CCDC85A: variants seen among roughly 807,000 people sequenced by gnomAD.
CCDC85A encodes the protein coiled-coil domain containing 85A.
CCDC85A carries 38 observed loss-of-function variants against 50.2 expected under a neutral mutation model. The ratio of observed to expected loss-of-function variants is 0.76; its 90% CI spans 0.58 to 0.99. CCDC85A has a LOEUF of 0.99. Among genes scored for constraint, CCDC85A ranks in the 50% least tolerant of loss-of-function variants. The probability of loss-of-function intolerance (pLI) is 0.00; values close to 1 mark genes in which losing one functional copy is unlikely to be tolerated. For missense variants in CCDC85A, 820 were observed against 742.0 expected (o/e 1.11, Z -1.22); for synonymous variants, 366 against 301.4 (o/e 1.21, Z -2.22).
chr2:56,224,568 C>T (rs1216653197), intron 2 of CCDC85A, among the ~76,000 whole-genome samples: 1 of 152,170 alleles, frequency 6.6e-6, no homozygotes, highest in Non-Finnish European at 1.5e-5. Flanking sequence ...TTTACATTCC[C>T]ATCAGCAGTG....
intron 3 of CCDC85A, among the ~76,000 whole-genome samples, chr2:56,360,342 G>A (rs548273387): frequency 6.6e-6 from 1 of 152,118 alleles, no homozygotes; most frequent in Non-Finnish European, 1.5e-5. Context: ...TAGCGTTGAG[G>A]ACAAGTGACT....
chr2:56,248,997 G>A lies in CCDC85A; in HGVS notation c.1240+55557G>A, dbSNP rs561688908. 5.3e-5 allele frequency among the ~76,000 whole-genome samples: 8 copies of A among 152,352 alleles called. 1 individual carries two copies. The East Asian group carries it at 7.7e-4, about 15-fold the overall frequency. On this transcript the variant is annotated intron_variant, in intron 2 of 5. Coordinates refer to ENST00000407595, the MANE Select transcript of CCDC85A (RefSeq NM_001080433.2). ...ATGGGGTTCTAGAAAAGGTTAGGGC[G>A]GGACTGTGACCTTCAGTCAAGGAAT...
At chr2:56,315,275 T>G in intron 2 of CCDC85A, among the ~76,000 whole-genome samples, 1 of 152,178 alleles carries the variant, frequency 6.6e-6, no homozygotes, top group East Asian at 1.9e-4. Context: ...CTAATTGTTT[T>G]GCCAGCCTGC....
At chr2:56,272,813 C>G (rs1028036775) in intron 2 of CCDC85A, among the ~76,000 whole-genome samples, 1 of 152,320 alleles carries the variant, frequency 6.6e-6, no homozygotes, top group Admixed American at 6.5e-5. Context: ...GCAACTTGCT[C>G]AGCCTATTCC....
chr2:56,199,607 C>G (rs1301951960), intron 2 of CCDC85A, among the ~76,000 whole-genome samples: 1 of 151,970 alleles, frequency 6.6e-6, no homozygotes, highest in African/African-American at 2.4e-5. Context: ...TTTCCAATCA[C>G]TTCTAGTACT....
chr2:56,266,115 G>A (rs1407790360), intron 2 of CCDC85A, among the ~76,000 whole-genome samples: 2 of 152,174 alleles, frequency 1.3e-5, no homozygotes. Context: ...GAGTAGAATG[G>A]TGGTTACCAA....
intron 2 of CCDC85A, among the ~76,000 whole-genome samples, chr2:56,318,774 G>T (rs1673030476): frequency 6.6e-6 from 1 of 152,054 alleles, no homozygotes; most frequent in Non-Finnish European, 1.5e-5. Flanking sequence ...GTATTCATTT[G>T]TATTTATCTG....
At chr2:56,279,303 A>G (rs1000729143) in intron 2 of CCDC85A, among the ~76,000 whole-genome samples, 3 of 152,234 alleles carry the variant, frequency 2.0e-5, no homozygotes, top group Admixed American at 1.3e-4. Flanking sequence ...ACTTAAAAAT[A>G]TATAATCCAA....
At chr2:56,185,128 C>CG (rs11437651) in intron 1 of CCDC85A, among the ~76,000 whole-genome samples, 59,140 of 151,072 alleles carry the variant, frequency 0.39, 11,817 homozygotes, top group Middle Eastern at 0.47. Context: ...TCTGGCTGTT[C>CG]GGGGAGGCGC....
chr2:56,247,437 C>G (rs1487307379), intron 2 of CCDC85A, among the ~76,000 whole-genome samples: 1 of 152,140 alleles, frequency 6.6e-6, no homozygotes, highest in African/African-American at 2.4e-5. Flanking sequence ...CATCATGCAA[C>G]TGGCACTTTT....
chr2:56,205,196 T>G (rs1676910889), intron 2 of CCDC85A, among the ~76,000 whole-genome samples: 1 of 151,866 alleles, frequency 6.6e-6, no homozygotes, highest in Admixed American at 6.6e-5. Context: ...GATGGGAGAG[T>G]GTGGCTTATC....
At chr2:56,309,118 G>A (rs1450652943) in intron 2 of CCDC85A, among the ~76,000 whole-genome samples, 1 of 152,158 alleles carries the variant, frequency 6.6e-6, no homozygotes, top group Non-Finnish European at 1.5e-5. Flanking sequence ...ATGGGAACAT[G>A]GGCATTATTT....
At chr2:56,279,635 A>T (rs1294492465) in intron 2 of CCDC85A, among the ~76,000 whole-genome samples, 13 of 152,150 alleles carry the variant, frequency 8.5e-5, no homozygotes, top group Non-Finnish European at 1.6e-4. Context: ...CTATGAGATC[A>T]ACTTTTTTAG....
intron 2 of CCDC85A, among the ~76,000 whole-genome samples, chr2:56,289,596 G>A (rs190827369): frequency 3.1e-4 from 47 of 152,214 alleles, no homozygotes; most frequent in Non-Finnish European, 5.7e-4. Flanking sequence ...TGGTAGAGGT[G>A]GCATGGGAGA....
intron 3 of CCDC85A, among the ~76,000 whole-genome samples, chr2:56,351,122 G>T (rs1232525991): frequency 6.9e-6 from 1 of 145,232 alleles, no homozygotes; most frequent in Non-Finnish European, 1.5e-5. Flanking sequence ...TTGTTCTTGC[G>T]ATAGTTTACT....
chr2:56,250,356 C>G (rs528455074), intron 2 of CCDC85A, among the ~76,000 whole-genome samples: 1 of 152,160 alleles, frequency 6.6e-6, no homozygotes, highest in Non-Finnish European at 1.5e-5. Flanking sequence ...GCCTGTGTCT[C>G]TGCAACCTTT....
At chr2:56,228,960 A>G (rs988989952) in intron 2 of CCDC85A, among the ~76,000 whole-genome samples, 1 of 152,204 alleles carries the variant, frequency 6.6e-6, no homozygotes, top group African/African-American at 2.4e-5. Flanking sequence ...AAGCCTTCTC[A>G]TTAAGGTTTT....
chr2:56,275,264 A>G (rs1278750663), intron 2 of CCDC85A, among the ~76,000 whole-genome samples: 1 of 152,180 alleles, frequency 6.6e-6, no homozygotes, highest in Non-Finnish European at 1.5e-5. Context: ...TGGCAGCATG[A>G]ATACAGCAAC....
intron 5 of CCDC85A, among the ~76,000 whole-genome samples, chr2:56,380,761 A>G (rs754452695): frequency 1.3e-5 from 2 of 152,180 alleles, no homozygotes; most frequent in Non-Finnish European, 2.9e-5. Context: ...CATGGGATGT[A>G]TCATTTAGTC....
Sources: gnomAD v4.1 joint callset for allele counts (sites outside exome capture counted in the v4.1 genomes callset) on GRCh38, gnomAD v4.1.1 for gene constraint, MANE v1.5 for transcripts, NCBI Gene and HGNC (gene_info 2026-07-23, HGNC 2026-07-21) for gene names.